GTSF1: variants seen among roughly 807,000 people sequenced by gnomAD.
GTSF1 encodes the protein gametocyte specific factor 1, also known as gametocyte-specific factor 1.
GTSF1 carries 11 observed loss-of-function variants against 28.9 expected under a neutral mutation model. That is an observed-to-expected ratio of 0.38 (90% CI 0.24 to 0.63). GTSF1 has a LOEUF of 0.63. Among genes scored for constraint, GTSF1 ranks in the 30% least tolerant of loss-of-function variants. The pLI is 0.56. For synonymous variants in GTSF1, 69 were observed against 65.6 expected (o/e 1.05, Z -0.25); for missense variants, 146 against 201.0 (o/e 0.73, Z 1.66).
At chr12:54,461,127 T>C (rs962319257) in intron 6 of GTSF1, among the ~76,000 whole-genome samples, 2 of 152,128 alleles carry the variant, frequency 1.3e-5, no homozygotes, top group African/African-American at 4.8e-5. Context: ...AAGGACTCTT[T>C]CTGTCACCCA....
Position 54,461,018 on chromosome 12 carries a change from C to G in GTSF1, c.393-547G>C, listed in dbSNP as rs182785460. Among the ~76,000 whole-genome samples the G allele has an allele frequency of 8.9e-3, 1,351 of 152,280 alleles. 5 individuals are homozygous for G. The highest frequency in any genetic ancestry group is 0.013 in the Non-Finnish European group (859 of 68,014). On this transcript the variant is annotated intron_variant, in intron 6 of 8. Coordinates refer to ENST00000305879, the MANE Select transcript of GTSF1 (RefSeq NM_144594.3). ...GCATCTTATTCCTTCATTTCCTAAA[C>G]CAGAAATATTCTCATTTGGGTTTGA...
chr12:54,463,877 A>G (rs2120760518), intron 3 of GTSF1, among the ~76,000 whole-genome samples: 1 of 152,352 alleles, frequency 6.6e-6, no homozygotes, highest in African/African-American at 2.4e-5. Flanking sequence ...TTTGACCTTC[A>G]TTTCAGCTAT....
intron 2 of GTSF1, among the ~76,000 whole-genome samples, chr12:54,470,890 T>C (rs1308176151): frequency 1.3e-5 from 2 of 152,170 alleles, no homozygotes; most frequent in Non-Finnish European, 2.9e-5. Flanking sequence ...AGATTTCTTA[T>C]CCTAAAAACT....
intron 1 of GTSF1, 26 bp from the exon 2 acceptor site, chr12:54,471,303 G>A: frequency 1.3e-6 from 2 of 1,531,194 alleles, no homozygotes; most frequent in Non-Finnish European, 1.8e-6. Flanking sequence ...GTGTGATTCA[G>A]GAAATCAGAA....
chr12:54,460,612 A>C (rs1956406405), intron 6 of GTSF1, 141 bp from the exon 7 acceptor site: 1 of 624,828 alleles, frequency 1.6e-6, no homozygotes, highest in African/African-American at 1.8e-5. Flanking sequence ...ATTTCCATCA[A>C]AACGTTCCGG....
At chr12:54,470,354 T>C (rs944427127) in intron 2 of GTSF1, among the ~76,000 whole-genome samples, 2 of 152,242 alleles carry the variant, frequency 1.3e-5, no homozygotes, top group Non-Finnish European at 2.9e-5. Context: ...CAACAAGCTT[T>C]CCAGGTGATT....
intron 6 of GTSF1, among the ~76,000 whole-genome samples, 155 bp from the exon 7 acceptor site, chr12:54,460,626 T>C (rs1474296859): frequency 6.6e-6 from 1 of 152,230 alleles, no homozygotes; most frequent in Non-Finnish European, 1.5e-5. Context: ...GTTCCGGCAA[T>C]TAGAATGATT....
chr12:54,460,503 G>C, intron 6 of GTSF1, 32 bp from the exon 7 acceptor site: 1 of 1,466,358 alleles, frequency 6.8e-7, no homozygotes, highest in Non-Finnish European at 9.5e-7. Context: ...TATGTCGGCA[G>C]ATCAGTATCA....
At chr12:54,470,570 C>T (rs1207315657) in intron 2 of GTSF1, among the ~76,000 whole-genome samples, 1 of 152,288 alleles carries the variant, frequency 6.6e-6, no homozygotes, top group Middle Eastern at 3.4e-3. Context: ...AAAGTAGGTA[C>T]TGTTGACAAG....
In GTSF1 at chr12:54,456,096, G is replaced by A. The variant is rs1161217808; in HGVS notation, c.*78C>T. 3 of 152,558 alleles carry A rather than the reference G, an allele frequency of 2.0e-5. No homozygotes were observed. Among genetic ancestry groups the A allele is most frequent in the Non-Finnish European group, 2.9e-5 (2 of 68,032 alleles). The allele number at this position is 152,558 out of a possible 1,614,324, so 9.5% of individuals were successfully genotyped here. Reference sequence around the variant, plus strand: ...GTTTACCATTCTATAATTAGATTAGGAGGAAAATGAGAACCCACTGGTAGA... The same window carrying A: ...GTTTACCATTCTATAATTAGATTAGAAGGAAAATGAGAACCCACTGGTAGA... On this transcript the variant is annotated 3_prime_UTR_variant, in exon 9 of 9. Transcript: ENST00000305879.
intron 2 of GTSF1, chr12:54,468,909 T>C (rs1444255488): frequency 6.6e-6 from 1 of 152,138 alleles, no homozygotes; most frequent in Non-Finnish European, 1.5e-5. Context: ...AGATTGTCCA[T>C]TTCCAACACA....
In GTSF1 at chr12:54,460,363, T is replaced by G. The variant is rs757333560; in HGVS notation, c.487+14A>C. The stretch of plus-strand genomic sequence containing the variant: ...ATGAAAAGAGTAAAACTATTTTGTC[T>G]CTATTTCACTTACTGTTTTTCCATG... On this transcript the variant is annotated intron_variant, in intron 7 of 8. Transcript: ENST00000305879. 26 of 1,569,664 alleles carry G rather than the reference T, an allele frequency of 1.7e-5. No individual in the cohort carries two copies. The highest frequency in any genetic ancestry group is 2.6e-6 in the Non-Finnish European group (3 of 1,139,764).
At chr12:54,463,377 A>C in intron 3 of GTSF1, 80 bp from the exon 4 acceptor site, 1 of 1,351,438 alleles carries the variant, frequency 7.4e-7, no homozygotes, top group Non-Finnish European at 1.0e-6. Flanking sequence ...CTTATTCTAC[A>C]AATGCCTCCC....
chr12:54,473,533 T>G lies in GTSF1; in HGVS notation c.-30+13A>C, dbSNP rs915859461. 3 of 152,060 alleles carry G rather than the reference T, an allele frequency of 2.0e-5. No homozygotes were observed. Among genetic ancestry groups the G allele is most frequent in the African/African-American group, 7.2e-5 (3 of 41,394 alleles). 9.4% of individuals were successfully genotyped at this position (152,060 alleles called of 1,614,324 possible). ...GGAATTGCTTAGAGGCGCCCCGGGGTGCCTTTCCTTACCTCGGTGGACACA... is the reference window on the plus strand; with the variant it reads ...GGAATTGCTTAGAGGCGCCCCGGGGGGCCTTTCCTTACCTCGGTGGACACA... On this transcript the variant is annotated intron_variant, in intron 1 of 8. Coordinates refer to ENST00000305879, the MANE Select transcript of GTSF1 (RefSeq NM_144594.3).
chr12:54,461,156 T>C (rs193230262), intron 6 of GTSF1, among the ~76,000 whole-genome samples: 1 of 152,242 alleles, frequency 6.6e-6, no homozygotes, highest in Admixed American at 6.5e-5. Flanking sequence ...TGCAGTGGCA[T>C]GATCATGGCT....
rs1592318705 is a variant in GTSF1 at position 54,462,861 on chromosome 12, A to G, written c.245-136T>C. On this transcript the variant is annotated intron_variant, in intron 4 of 8. Transcript: ENST00000305879. ...TGAAAAATGGATAGTATAAAAGCTA[A>G]AAGAGGGATCTTATCTCTTTGCTGA... The G allele has an allele frequency of 1.8e-5, 12 of 659,536 alleles. No individual in the cohort carries two copies. In the East Asian group the frequency reaches 3.3e-4, roughly 18 times the overall value. The allele number at this position is 659,536 out of a possible 1,614,324, so 40.9% of individuals were successfully genotyped here. A position where few individuals can be genotyped will look rare whatever the true frequency, so the allele number is the denominator to read the frequency against.
intron 2 of GTSF1, among the ~76,000 whole-genome samples, chr12:54,467,263 C>T (rs1956531032): frequency 6.6e-6 from 1 of 151,724 alleles, no homozygotes; most frequent in African/African-American, 2.4e-5. Context: ...CTAAGGTCCT[C>T]AAGGTTTATC....
At chr12:54,464,875 A>G in intron 3 of GTSF1, 192 bp downstream of exon 3, 2 of 408,354 alleles carry the variant, frequency 4.9e-6, no homozygotes, top group Non-Finnish European at 9.0e-6. Context: ...AATGGGAAGA[A>G]AACCAAAACA....
intron 2 of GTSF1, among the ~76,000 whole-genome samples, chr12:54,469,157 C>A (rs1347034279): frequency 6.6e-6 from 1 of 152,102 alleles, no homozygotes; most frequent in African/African-American, 2.4e-5. Context: ...TGGTTTACTG[C>A]AACCTCCACC....
Sources: allele counts gnomAD v4.1 joint callset (sites outside exome capture counted in the v4.1 genomes callset), GRCh38; gene constraint gnomAD v4.1.1; transcripts MANE v1.5; gene names NCBI Gene and HGNC (gene_info 2026-07-23, HGNC 2026-07-21).